Variants in DBF4B observed in about 807,000 individuals in gnomAD.
DBF4B encodes protein DBF4 homolog B.
A neutral mutation model predicts 53.4 loss-of-function variants in DBF4B; 49 were observed. That is an observed-to-expected ratio of 0.92 (90% CI 0.73 to 1.16). The LOEUF is 1.16. DBF4B is among the 50% of genes most tolerant of loss of function. The probability of loss-of-function intolerance (pLI) is 0.00; values close to 1 mark genes in which losing one functional copy is unlikely to be tolerated. For missense variants in DBF4B, 692 were observed against 775.0 expected, an observed-to-expected ratio of 0.89 and a Z score of 1.27; for synonymous variants, 257 against 288.7, an observed-to-expected ratio of 0.89 and a Z score of 1.11.
chr17:44,718,172 C>T (rs569984764), intron 2 of DBF4B, among the ~76,000 whole-genome samples: 21 of 150,572 alleles, frequency 1.4e-4, no homozygotes, highest in Non-Finnish European at 2.4e-4. Context: ...TGGCTCATGC[C>T]TGTAATCCCA....
chr17:44,729,716 A>ACACACG (rs1974664617), intron 3 of DBF4B, among the ~76,000 whole-genome samples, 189 bp from the exon 4 acceptor site: 1 of 141,640 alleles, frequency 7.1e-6, no homozygotes, highest in Non-Finnish European at 1.6e-5. Context: ...ACACACACAC[A>ACACACG]CACACACACA....
chr17:44,749,307 C>A lies in DBF4B; in HGVS notation c.1189+842C>A, dbSNP rs530995946. ...AGCCCCATGCTGGCAGAGAGCTGCTCCTACGAGTCCCCAAGGTGCTTGGCT... is the reference window on the plus strand; with the variant it reads ...AGCCCCATGCTGGCAGAGAGCTGCTACTACGAGTCCCCAAGGTGCTTGGCT... On this transcript the variant is annotated intron_variant, in intron 13 of 13. Transcript: ENST00000315005. The surrounding 1 kb of genome is among the most constrained non-coding windows in gnomAD (Gnocchi z 4.4). 391 of 1,290,182 alleles carry A rather than the reference C, an allele frequency of 3.0e-4. No homozygotes were observed. The African/African-American group carries it at 5.5e-3, about 18-fold the overall frequency. The allele number at this position is 1,290,182 out of a possible 1,614,324, so 79.9% of individuals were successfully genotyped here.
In DBF4B at chr17:44,748,365, T is replaced by C. The variant is rs746401052; in HGVS notation, c.1089T>C (p.Asp363=). Residue 363 remains aspartate, a synonymous_variant, in exon 13 of 14, where the codon GAT becomes GAC. Transcript: ENST00000315005. ...GGTGGTCAGGTTCCCCAGCTTCTGATTGTGACCCTCTCTGTCCTGAGACTC... is the reference window on the plus strand; with the variant it reads ...GGTGGTCAGGTTCCCCAGCTTCTGACTGTGACCCTCTCTGTCCTGAGACTC... ...LPRWSGSPAS[D]CDPLCPETLH... The C allele has an allele frequency of 3.7e-6, 6 of 1,607,052 alleles. No individual in the cohort carries two copies. In the African/African-American group the frequency reaches 8.0e-5, roughly 21 times the overall value.
In DBF4B at chr17:44,750,888, C is replaced by G; in HGVS notation, c.1483C>G (p.Leu495Val). Reference protein sequence around the residue: ...PADIPVKGPLLFPEARPWLMS... With the variant: ...PADIPVKGPLVFPEARPWLMS... ...GGACATTCCTGTTAAGGGCCCACTCCTCTTCCCTGAAGCCAGACCGTGGCT... is the reference window on the plus strand; with the variant it reads ...GGACATTCCTGTTAAGGGCCCACTCGTCTTCCCTGAAGCCAGACCGTGGCT... The change falls in exon 14 of 14, where the codon CTC (leucine) becomes GTC (valine). Residue 495 changes from leucine to valine, a missense_variant. Coordinates refer to ENST00000315005, the MANE Select transcript of DBF4B (RefSeq NM_145663.3). 1 of 1,614,214 alleles carries G rather than the reference C, an allele frequency of 6.2e-7. No individual in the cohort carries two copies. The highest frequency in any genetic ancestry group is 1.7e-5 in the Admixed American group (1 of 60,036).
chr17:44,731,209 G>C lies in DBF4B; in HGVS notation c.468+194G>C, dbSNP rs1275094564. On this transcript the variant is annotated intron_variant, in intron 5 of 13. Transcript: ENST00000315005. Reference sequence around the variant, plus strand: ...ATTTAGCCATTCACCTAGAGAGTAAGTGTTGAAGCCAGAGCCACCTCCAAC... The same window carrying C: ...ATTTAGCCATTCACCTAGAGAGTAACTGTTGAAGCCAGAGCCACCTCCAAC... 6 of 604,022 alleles carry C rather than the reference G, an allele frequency of 9.9e-6. No homozygotes were observed. The Admixed American group carries it at 1.6e-4, about 16-fold the overall frequency. The allele number at this position is 604,022 out of a possible 1,614,324, so 37.4% of individuals were successfully genotyped here.
intron 6 of DBF4B, chr17:44,733,867 G>A (rs1975084634): frequency 1.8e-6 from 1 of 558,366 alleles, no homozygotes; most frequent in Non-Finnish European, 3.2e-6. Context: ...TGCTGCAAAA[G>A]AGCATGACAC....
At chr17:44,736,700 C>T (rs1975474326) in intron 7 of DBF4B, 130 bp from the exon 8 acceptor site, 3 of 937,752 alleles carry the variant, frequency 3.2e-6, no homozygotes, top group Non-Finnish European at 5.1e-6. Context: ...GCCTGAGAGT[C>T]TGGTTCTGCA....
At chr17:44,735,007 G>T (rs539785756) in intron 7 of DBF4B, among the ~76,000 whole-genome samples, 1 of 152,280 alleles carries the variant, frequency 6.6e-6, no homozygotes, top group South Asian at 2.1e-4. Flanking sequence ...AGGAGGCTGA[G>T]GCAGGAGAAT....
At position 44,749,404 on chromosome 17, in the gene DBF4B, C is replaced by G; in HGVS notation, c.1189+939C>G. 1 of 1,289,454 alleles carries G rather than the reference C, an allele frequency of 7.8e-7. No individual in the cohort carries two copies. Among genetic ancestry groups the G allele is most frequent in the Non-Finnish European group, 1.0e-6 (1 of 988,856 alleles). The allele number at this position is 1,289,454 out of a possible 1,614,324, so 79.9% of individuals were successfully genotyped here. The stretch of plus-strand genomic sequence containing the variant: ...TTACTCCTCTGCTGGGTGCTGCACA[C>G]CCGGCCAGGGCTGACCAGGACGCAG... On this transcript the variant is annotated intron_variant, in intron 13 of 13. Transcript: ENST00000315005. The surrounding 1 kb of genome is among the most constrained non-coding windows in gnomAD (Gnocchi z 4.4).
intron 3 of DBF4B, among the ~76,000 whole-genome samples, chr17:44,725,623 C>T (rs1310681694): frequency 2.6e-5 from 4 of 151,310 alleles, no homozygotes; most frequent in African/African-American, 9.7e-5. Context: ...CTTGATACTC[C>T]TAGCCCTTGG....
Position 44,740,772 on chromosome 17 carries a change from G to C in DBF4B, c.714-564G>C, listed in dbSNP as rs1255409918. Among the ~76,000 whole-genome samples, 3 of 152,168 alleles carry C rather than the reference G, an allele frequency of 2.0e-5. No individual in the cohort carries two copies. In the East Asian group the frequency reaches 5.8e-4, roughly 29 times the overall value. On this transcript the variant is annotated intron_variant, in intron 9 of 13. Coordinates refer to ENST00000315005, the MANE Select transcript of DBF4B (RefSeq NM_145663.3). ...GAACCTCTTGGGCTTCATTTCCTTA[G>C]ATATAAAATAGGATAAGCCCAGAGG...
intron 2 of DBF4B, among the ~76,000 whole-genome samples, chr17:44,715,812 CTTTTTTTTTTT>C (rs869200833): frequency 1.7e-3 from 94 of 55,546 alleles, no homozygotes; most frequent in Non-Finnish European, 2.6e-3. Context: ...TTCTTTCTTT[CTTTTTTTTTTT>C]TTTTTTTTTT....
chr17:44,729,908 A>G lies in DBF4B; in HGVS notation c.229A>G (p.Ile77Val), dbSNP rs1974689374. 6.2e-7 allele frequency: 1 copy of G among 1,613,568 alleles called. No individual in the cohort carries two copies. The highest frequency in any genetic ancestry group is 1.3e-5 in the African/African-American group (1 of 74,886). ...TGAIQQLGGV[I>V]EGFLSKEVSY... is the part of the protein sequence containing the mutation. ...CACCTCTGTGATCTGGTTTCAGGTA[A>G]TTGAGGGTTTTCTGAGCAAAGAAGT... is the stretch of plus-strand genomic sequence containing the variant. Residue 77 changes from isoleucine (I) to valine (V), a missense_variant, in exon 4 of 14, where the codon ATT becomes GTT. By Grantham distance (29) the Ile-to-Val change is conservative. Coordinates refer to ENST00000315005, the MANE Select transcript of DBF4B (RefSeq NM_145663.3).
At chr17:44,731,186 T>A in intron 5 of DBF4B, 171 bp downstream of exon 5, 1 of 722,406 alleles carries the variant, frequency 1.4e-6, no homozygotes, top group East Asian at 3.0e-5. Flanking sequence ...GACAAGTTAT[T>A]TAGCCATTCA....
In DBF4B at chr17:44,749,027, C is replaced by T; in HGVS notation, c.1189+562C>T. The T allele has an allele frequency of 7.8e-7, 1 of 1,289,858 alleles. No homozygotes were observed. Among genetic ancestry groups the T allele is most frequent in the Non-Finnish European group, 1.0e-6 (1 of 988,864 alleles). The allele number at this position is 1,289,858 out of a possible 1,614,324, so 79.9% of individuals were successfully genotyped here. On this transcript the variant is annotated intron_variant, in intron 13 of 13. Transcript: ENST00000315005. This position sits in a 1 kb window ranked among gnomAD's most constrained non-coding sequence, Gnocchi z 4.4. ...CCTGAGGATTCTGAGTGTACAGCCA[C>T]TGGCCCTGTATCCCAGGAGGCTGGC...
chr17:44,717,145 G>T (rs1232874251), intron 2 of DBF4B, among the ~76,000 whole-genome samples: 1 of 151,950 alleles, frequency 6.6e-6, no homozygotes, highest in Non-Finnish European at 1.5e-5. Context: ...TTCTGGTGTT[G>T]TTGACATTTC....
intron 2 of DBF4B, among the ~76,000 whole-genome samples, chr17:44,710,392 C>G (rs1372859400): frequency 6.6e-6 from 1 of 152,064 alleles, no homozygotes; most frequent in Non-Finnish European, 1.5e-5. Flanking sequence ...ATATTTATTT[C>G]AGCCTTGTAG....
intron 2 of DBF4B, among the ~76,000 whole-genome samples, chr17:44,717,492 A>G (rs1973427904): frequency 6.6e-6 from 1 of 151,912 alleles, no homozygotes; most frequent in South Asian, 2.1e-4. Context: ...GAATCATTTG[A>G]AGCTAGGATT....
intron 2 of DBF4B, among the ~76,000 whole-genome samples, chr17:44,715,356 T>C (rs1973231426): frequency 6.6e-6 from 1 of 151,914 alleles, no homozygotes; most frequent in Admixed American, 6.6e-5. Context: ...ACCCGCCACC[T>C]GGCTAATTTT....
Sources: allele counts gnomAD v4.1 joint callset (sites outside exome capture counted in the v4.1 genomes callset), GRCh38; gene constraint gnomAD v4.1.1; non-coding constraint Gnocchi (gnomAD v3.1); transcripts MANE v1.5; gene names NCBI Gene and HGNC (gene_info 2026-07-23, HGNC 2026-07-21).